The following FALEC variants were observed in gnomAD, a reference collection of about 807,000 sequenced individuals.
The protein encoded by FALEC is focally amplified lncRNA regulator of ECM1, also known as focally amplified lncRNA on chromosome 1.
chr1:150,523,033 G>C, the FALEC span, among the ~76,000 whole-genome samples: 25 of 118,796 alleles, frequency 2.1e-4, no homozygotes, highest in Admixed American at 2.3e-3. Flanking sequence ...ACCCAGGCTG[G>C]ATGGAGTGCA....
the FALEC span, among the ~76,000 whole-genome samples, chr1:150,524,210 T>C: frequency 6.6e-6 from 1 of 152,200 alleles, no homozygotes; most frequent in Non-Finnish European, 1.5e-5. Flanking sequence ...AATGCAGTGG[T>C]GCGATTAGAG....
rs185395170 is a variant in FALEC, at chr1:150,516,652, A to G, written n.306+590A>G. Among the ~76,000 whole-genome samples the G allele has an allele frequency of 6.6e-5, 10 of 152,322 alleles. No individual in the cohort carries two copies. The East Asian group carries it at 1.7e-3, about 26-fold the overall frequency. ...ACACTATTAAAATATAACTTGCTCA[A>G]TTCAGGGGCGGTGAGTAAAGTAAAG... On this transcript the variant is annotated intron_variant and non_coding_transcript_variant, in intron 1 of 1. Transcript: ENST00000416894.
chr1:150,524,954 C>T, the FALEC span, among the ~76,000 whole-genome samples: 1 of 149,566 alleles, frequency 6.7e-6, no homozygotes. Flanking sequence ...ATGATCACAC[C>T]ACTGCACTCC....
At chr1:150,535,175 T>TG in the FALEC span, among the ~76,000 whole-genome samples, 4 of 152,104 alleles carry the variant, frequency 2.6e-5, no homozygotes, top group African/African-American at 4.8e-5. Context: ...TGGCTTCCTC[T>TG]GAGGGATAAG....
chr1:150,536,249 G>A, the FALEC span, among the ~76,000 whole-genome samples: 1 of 152,232 alleles, frequency 6.6e-6, no homozygotes, highest in Non-Finnish European at 1.5e-5. Context: ...AAGTGTCACA[G>A]TTTTGCATTG....
At chr1:150,522,947 GTGTATATATATATA>G (rs1446185468), downstream of FALEC, among the ~76,000 whole-genome samples, 12 of 13,864 alleles carry the variant, frequency 8.7e-4, 2 homozygotes, top group East Asian at 2.3e-3. Flanking sequence ...GTGTGTGTGT[GTGTATATATATATA>G]TATATATATA....
chr1:150,522,886 TAC>T (rs1308372176), downstream of FALEC, among the ~76,000 whole-genome samples: 24 of 98,534 alleles, frequency 2.4e-4, 1 homozygote, highest in Admixed American at 1.9e-3. Flanking sequence ...CATATATATA[TAC>T]GTATATATAT....
the FALEC span, among the ~76,000 whole-genome samples, chr1:150,526,080 T>G: frequency 0.081 from 12,391 of 152,184 alleles, 665 homozygotes; most frequent in Non-Finnish European, 0.12. Flanking sequence ...AGTTTTTTTT[T>G]GGGCAGGTGC....
chr1:150,532,573 T>G, the FALEC span, among the ~76,000 whole-genome samples: 1 of 151,686 alleles, frequency 6.6e-6, no homozygotes, highest in African/African-American at 2.4e-5. Flanking sequence ...GGGCCAGGGG[T>G]TGCCAGCACC....
chr1:150,529,742 C>T, the FALEC span, among the ~76,000 whole-genome samples: 2 of 151,992 alleles, frequency 1.3e-5, no homozygotes, highest in African/African-American at 4.8e-5. Context: ...GGACTACAGG[C>T]GCCTGCCACC....
chr1:150,521,369 C>G (rs1279699244), downstream of FALEC, among the ~76,000 whole-genome samples: 1 of 152,182 alleles, frequency 6.6e-6, no homozygotes, highest in East Asian at 1.9e-4. Context: ...TACACCCTCT[C>G]CAATTCTTGA....
chr1:150,533,239 T>C, the FALEC span, among the ~76,000 whole-genome samples: 1 of 152,132 alleles, frequency 6.6e-6, no homozygotes, highest in African/African-American at 2.4e-5. Context: ...CCTGTCAGGA[T>C]TGCAGCAGAG....
At chr1:150,521,381 G>A (rs1670641415), downstream of FALEC, among the ~76,000 whole-genome samples, 1 of 152,160 alleles carries the variant, frequency 6.6e-6, no homozygotes. Flanking sequence ...AATTCTTGAG[G>A]TTGTCAATGT....
chr1:150,524,454 A>C, the FALEC span, among the ~76,000 whole-genome samples: 1 of 152,226 alleles, frequency 6.6e-6, no homozygotes, highest in Non-Finnish European at 1.5e-5. Flanking sequence ...CTTGACAGTG[A>C]AATCCAAAAC....
chr1:150,536,624 A>G, the FALEC span, among the ~76,000 whole-genome samples: 1 of 152,152 alleles, frequency 6.6e-6, no homozygotes, highest in Non-Finnish European at 1.5e-5. Context: ...CCTTGTCTCT[A>G]CAAAAAATTA....
the FALEC span, among the ~76,000 whole-genome samples, chr1:150,528,266 CTG>C: frequency 2.0e-5 from 3 of 152,102 alleles, no homozygotes; most frequent in Non-Finnish European, 2.9e-5. Context: ...CATCTTATAA[CTG>C]AGAGAGAAGT....
downstream of FALEC, chr1:150,518,106 G>A (rs1262051459): frequency 6.6e-6 from 1 of 152,154 alleles, no homozygotes; most frequent in Non-Finnish European, 1.5e-5. Context: ...AGAAAATATA[G>A]CAATAAGTTA....
downstream of FALEC, among the ~76,000 whole-genome samples, chr1:150,521,675 A>C (rs1179090901): frequency 6.6e-6 from 1 of 152,150 alleles, no homozygotes; most frequent in African/African-American, 2.4e-5. Flanking sequence ...TTATTCCAGC[A>C]CCATGTGTTG....
chr1:150,523,296 A>G, the FALEC span, among the ~76,000 whole-genome samples: 1 of 150,192 alleles, frequency 6.7e-6, no homozygotes, highest in African/African-American at 2.4e-5. Flanking sequence ...CCTGGCATAT[A>G]TTATTAAAAT....
Sources: gnomAD v4.1 joint callset for allele counts (sites outside exome capture counted in the v4.1 genomes callset) on GRCh38, gnomAD v4.1.1 for gene constraint, MANE v1.5 for transcripts, NCBI Gene and HGNC (gene_info 2026-07-23, HGNC 2026-07-21) for gene names.